CD163L1: variants seen among roughly 807,000 people sequenced by gnomAD.
CD163L1 encodes the protein CD163 molecule like 1, also known as scavenger receptor cysteine-rich type 1 protein M160.
A neutral mutation model predicts 165.4 loss-of-function variants in CD163L1; 124 were observed. The ratio of observed to expected loss-of-function variants is 0.75; its 90% confidence interval spans 0.65 to 0.87. The LOEUF (loss-of-function observed/expected upper bound fraction) is 0.87. CD163L1 is among the 40% of genes least tolerant of loss of function. CD163L1 has a pLI of 0.00. For synonymous variants in CD163L1, 585 were observed against 662.2 expected, an observed-to-expected ratio of 0.88 and a Z score of 1.79; for missense variants, 1,525 against 1,799.9, an observed-to-expected ratio of 0.85 and a Z score of 2.76.
rs750556057 is a variant in CD163L1, at chr12:7,374,937, C to G, written c.3002-14G>C. ...GGGTCAGGCTTCCTGGTGGAGGGTGCAGGAAATGGGGCAAAAGTAAGACCA... is the reference window on the plus strand; with the variant it reads ...GGGTCAGGCTTCCTGGTGGAGGGTGGAGGAAATGGGGCAAAAGTAAGACCA... On this transcript the variant is annotated splice_polypyrimidine_tract_variant and intron_variant, in intron 11 of 19. Transcript: ENST00000313599. This position sits in a 1 kb window ranked among gnomAD's most constrained non-coding sequence, Gnocchi z 5.4. The G allele has an allele frequency of 1.9e-6, 3 of 1,613,026 alleles. No individual in the cohort carries two copies. The highest frequency in any genetic ancestry group is 2.5e-6 in the Non-Finnish European group (3 of 1,179,226).
rs11053606 is a variant in CD163L1 at position 7,391,805 on chromosome 12, C to T, written c.2050+4290G>A. Among the ~76,000 whole-genome samples the T allele has an allele frequency of 1.7e-3, 264 of 152,128 alleles. 2 individuals are homozygous for T. Among genetic ancestry groups the T allele is most frequent in the African/African-American group, 6.2e-3 (258 of 41,490 alleles). On this transcript the variant is annotated intron_variant, in intron 8 of 19. Transcript: ENST00000313599. ...TCTGATAAAACAGACTTTAAACCAA[C>T]GAAGATCAAAAGAGACAAAGAAGGC...
intron 2 of CD163L1, chr12:7,438,859 C>T (rs1369974665): frequency 3.2e-5 from 50 of 1,572,964 alleles, no homozygotes; most frequent in Non-Finnish European, 4.0e-5. Flanking sequence ...CAGATATAGG[C>T]ATAAGCTTCT....
rs767220317 is a variant in CD163L1, at chr12:7,374,573, T to G, written c.3278A>C (p.Glu1093Ala). 5.0e-6 allele frequency: 8 copies of G among 1,614,010 alleles called. No individual in the cohort carries two copies. Among genetic ancestry groups the G allele is most frequent in the Non-Finnish European group, 6.8e-6 (8 of 1,180,018 alleles). The change falls in exon 13 of 20, where the codon GAG becomes GCG. Residue 1093 changes from glutamate to alanine, a missense_variant. Coordinates refer to ENST00000313599, the MANE Select transcript of CD163L1 (RefSeq NM_174941.6). This position sits in a 1 kb window ranked among gnomAD's most constrained non-coding sequence, Gnocchi z 5.4. The part of the protein sequence containing the change: ...FNATVSAHFG[E>A]GSGPIWLDDL... ...ATCCAGCCAGATGGGCCCTGACCCC[T>G]CCCCAAAGTGAGCAGAGACCGTGGC... is the stretch of plus-strand genomic sequence containing the variant.
intron 1 of CD163L1, 25 bp downstream of exon 1, chr12:7,444,071 AG>A (rs1370635186): frequency 2.5e-6 from 4 of 1,612,656 alleles, no homozygotes; most frequent in Non-Finnish European, 2.5e-6. Flanking sequence ...CCCAAATGGC[AG>A]AGCAAAATAA....
At chr12:7,360,031 G>A (rs1372050116) in intron 18 of CD163L1, among the ~76,000 whole-genome samples, 1 of 151,918 alleles carries the variant, frequency 6.6e-6, no homozygotes, top group Non-Finnish European at 1.5e-5. Context: ...TTAAATCTAG[G>A]AATTCATGTC....
At chr12:7,389,809 AT>A (rs1283034823) in intron 8 of CD163L1, among the ~76,000 whole-genome samples, 2 of 151,830 alleles carry the variant, frequency 1.3e-5, no homozygotes, top group Non-Finnish European at 2.9e-5. Context: ...ACCCACAGAC[AT>A]TTTTAAAAAT....
At chr12:7,385,012 G>A (rs1378487314) in intron 8 of CD163L1, among the ~76,000 whole-genome samples, 3 of 151,906 alleles carry the variant, frequency 2.0e-5, no homozygotes, top group Non-Finnish European at 4.4e-5. Flanking sequence ...CAATAACCTT[G>A]AATGTAAATG....
intron 4 of CD163L1, among the ~76,000 whole-genome samples, chr12:7,425,411 G>C (rs2136610431): frequency 6.6e-6 from 1 of 152,232 alleles, no homozygotes; most frequent in African/African-American, 2.4e-5. Flanking sequence ...TACCATTCAG[G>C]ATATAGGCAC....
chr12:7,375,858 G>C lies in CD163L1; in HGVS notation c.2528C>G (p.Ser843Cys). The C allele has an allele frequency of 1.9e-6, 3 of 1,614,202 alleles. No homozygotes were observed. The highest frequency in any genetic ancestry group is 2.5e-6 in the Non-Finnish European group (3 of 1,180,024). Residue 843 changes from serine (S) to cysteine (C), a missense_variant, in exon 10 of 20, where the codon TCT becomes TGT. Ser to Cys is a moderately radical substitution (Grantham distance 112). Coordinates refer to ENST00000313599, the MANE Select transcript of CD163L1 (RefSeq NM_174941.6). ...CRELNCGDAI[S>C]LSVGDHFGKG... ...TCCAAAGTGATCTCCCACAGAAAGA[G>C]ATATGGCATCTCCACAGTTTAATTC...
rs190402565 is a variant in CD163L1 at position 7,429,696 on chromosome 12, A to T, written c.766+2720T>A. On this transcript the variant is annotated intron_variant, in intron 4 of 19. Transcript: ENST00000313599. ...CCATCCACTTATCTCTATCTTAACT[A>T]TTTTAGCCCTAGTCAAACCACTATC... Among the ~76,000 whole-genome samples the T allele has an allele frequency of 3.9e-3, 597 of 152,056 alleles. 22 individuals are homozygous for T. The highest frequency in any genetic ancestry group is 0.035 in the Admixed American group (532 of 15,260).
chr12:7,428,703 T>C (rs1948583618), intron 4 of CD163L1, among the ~76,000 whole-genome samples: 1 of 152,078 alleles, frequency 6.6e-6, no homozygotes, highest in South Asian at 2.1e-4. Context: ...ATGCTCATCA[T>C]TACTACTTGC....
intron 8 of CD163L1, among the ~76,000 whole-genome samples, chr12:7,391,278 A>G (rs940732469): frequency 5.3e-5 from 8 of 152,208 alleles, no homozygotes; most frequent in East Asian, 1.9e-4. Flanking sequence ...AGAGCAGCAA[A>G]GTAGAAAACT....
At chr12:7,337,736 A>G in the CD163L1 span, among the ~76,000 whole-genome samples, 1 of 152,248 alleles carries the variant, frequency 6.6e-6, no homozygotes, top group African/African-American at 2.4e-5. Context: ...AAATTAGTTC[A>G]ACCACTGTAG....
At chr12:7,358,735 C>T (rs1241864804) in intron 18 of CD163L1, among the ~76,000 whole-genome samples, 3 of 152,076 alleles carry the variant, frequency 2.0e-5, no homozygotes, top group Non-Finnish European at 4.4e-5. Flanking sequence ...AAAACAGAGT[C>T]TGAAGAGACA....
chr12:7,429,142 T>A (rs1053510718), intron 4 of CD163L1, among the ~76,000 whole-genome samples: 2 of 152,078 alleles, frequency 1.3e-5, no homozygotes, highest in Non-Finnish European at 2.9e-5. Flanking sequence ...AATACTTTTA[T>A]CTTCCTCATT....
At chr12:7,395,442 C>A (rs780450908) in intron 8 of CD163L1, among the ~76,000 whole-genome samples, 19 of 152,012 alleles carry the variant, frequency 1.2e-4, no homozygotes, top group African/African-American at 4.1e-4. Context: ...TGGGGCCTGT[C>A]GGTTGGTGGG....
chr12:7,382,445 G>T lies in CD163L1; in HGVS notation c.2051-3147C>A, dbSNP rs991296179. Among the ~76,000 whole-genome samples, 4 of 152,300 alleles carry T rather than the reference G, an allele frequency of 2.6e-5. No individual in the cohort carries two copies. In the East Asian group the frequency reaches 7.7e-4, roughly 29 times the overall value. On this transcript the variant is annotated intron_variant, in intron 8 of 19. Transcript: ENST00000313599. ...TCCAGCAGGGAAGTGATAGGGAACA[G>T]ATCCTTCTGAGGCACAGAGAGAGAA...
Position 7,375,610 on chromosome 12 carries a change from G to C in CD163L1, c.2687-15C>G, listed in dbSNP as rs374670017. ...ATCTGTATATCCTAGGAGGAGACAA[G>C]GCCATAGAAGAGACATCATGACTTA... On this transcript the variant is annotated splice_polypyrimidine_tract_variant and intron_variant, in intron 10 of 19. Transcript: ENST00000313599. The C allele has an allele frequency of 1.2e-6, 2 of 1,611,078 alleles. No individual in the cohort carries two copies. The highest frequency in any genetic ancestry group is 1.7e-6 in the Non-Finnish European group (2 of 1,179,206).
chr12:7,386,546 T>A (rs1043585184), intron 8 of CD163L1, among the ~76,000 whole-genome samples: 1 of 143,468 alleles, frequency 7.0e-6, no homozygotes, highest in African/African-American at 2.6e-5. Context: ...ATATCCTTGA[T>A]GAACATAGAT....
Sources: allele counts gnomAD v4.1 joint callset (sites outside exome capture counted in the v4.1 genomes callset), GRCh38; gene constraint gnomAD v4.1.1; non-coding constraint Gnocchi (gnomAD v3.1); transcripts MANE v1.5; gene names NCBI Gene and HGNC (gene_info 2026-07-23, HGNC 2026-07-21).